The following RIC1 variants were observed in gnomAD, a reference collection of about 807,000 sequenced individuals.
The protein encoded by RIC1 is RIC1 partner of RAB6A GEF complex.
In RIC1, 88 loss-of-function variants were observed where a neutral mutation model predicts 169.0. That is an observed-to-expected ratio of 0.52 (90% CI 0.44 to 0.62). The LOEUF (loss-of-function observed/expected upper bound fraction) is 0.62, where lower values mean the gene tolerates loss of function less well. RIC1 is among the 20% of genes least tolerant of loss of function. The probability of loss-of-function intolerance (pLI) is 0.00; values close to 1 mark genes in which losing one functional copy is unlikely to be tolerated. For missense variants in RIC1, 1,877 were observed against 1,725.5 expected, an observed-to-expected ratio of 1.09 and a Z score of -1.56; for synonymous variants, 790 against 601.5, an observed-to-expected ratio of 1.31 and a Z score of -4.59.
At chr9:5,685,947 C>T (rs1265100782) in intron 2 of RIC1, among the ~76,000 whole-genome samples, 1 of 151,490 alleles carries the variant, frequency 6.6e-6, no homozygotes, top group Non-Finnish European at 1.5e-5. Flanking sequence ...ACAAACAAAC[C>T]CATCAAAAAG....
intron 2 of RIC1, among the ~76,000 whole-genome samples, chr9:5,688,561 A>G (rs976906887): frequency 1.3e-5 from 2 of 152,204 alleles, no homozygotes; most frequent in Non-Finnish European, 2.9e-5. Context: ...TTGCACATAA[A>G]GAATTAGAAA....
rs757819865 is a variant in RIC1, at chr9:5,772,938, A to G, written c.3841A>G (p.Ile1281Val). ...GGAGGCAGGGTGCCTAGACTGGTGCATCGTTATAGGCCTGATTCTTAGAGA... is the reference window on the plus strand; with the variant it reads ...GGAGGCAGGGTGCCTAGACTGGTGCGTCGTTATAGGCCTGATTCTTAGAGA... ...FMEAGCLDWCIVIGLILRESS... is the reference protein window; with the variant it reads ...FMEAGCLDWCVVIGLILRESS... The change falls in exon 25 of 26, where the codon ATC becomes GTC. Residue 1281 changes from isoleucine to valine, a missense_variant. Physicochemically the swap from Ile to Val is conservative, Grantham distance 29. This residue lies in a region of RIC1 where 681 missense variants were observed against 582.0 expected (regional missense o/e 1.17). Transcript: ENST00000414202. The G allele has an allele frequency of 1.2e-6, 2 of 1,613,800 alleles. No homozygotes were observed. The highest frequency in any genetic ancestry group is 2.2e-5 in the East Asian group (1 of 44,866).
intron 2 of RIC1, among the ~76,000 whole-genome samples, chr9:5,679,450 T>C (rs887624363): frequency 9.9e-5 from 15 of 152,262 alleles, no homozygotes; most frequent in African/African-American, 3.6e-4. Flanking sequence ...ATTTTCACGA[T>C]ATTGATTCTT....
intron 7 of RIC1, among the ~76,000 whole-genome samples, chr9:5,735,689 G>T (rs898383231): frequency 2.6e-5 from 4 of 152,200 alleles, no homozygotes; most frequent in Middle Eastern, 3.2e-3. Context: ...GTGATAGCTG[G>T]TGTCCTTAGA....
At chr9:5,761,898 TTCTGAAG>T (rs1162255092) in intron 17 of RIC1, among the ~76,000 whole-genome samples, 1 of 152,238 alleles carries the variant, frequency 6.6e-6, no homozygotes, top group African/African-American at 2.4e-5. Flanking sequence ...ATTTCCTCAT[TTCTGAAG>T]TCAACACCCA....
chr9:5,650,094 C>T (rs992303369), intron 1 of RIC1, among the ~76,000 whole-genome samples: 1 of 152,074 alleles, frequency 6.6e-6, no homozygotes, highest in Non-Finnish European at 1.5e-5. Flanking sequence ...GTGTGCCTGT[C>T]CTTCGGCCCC....
At chr9:5,720,351 A>G in intron 5 of RIC1, 27 bp downstream of exon 5, 1 of 1,592,356 alleles carries the variant, frequency 6.3e-7, no homozygotes, top group Non-Finnish European at 8.6e-7. Flanking sequence ...CATGAGGTTG[A>G]ACCAGTTGTT....
chr9:5,742,922 A>G lies in RIC1; in HGVS notation c.955A>G (p.Ser319Gly). The stretch of plus-strand genomic sequence containing the variant: ...ATTGATGAGATGGTCTCCTGACAAT[A>G]GTGTTGTAATAGTGACCTGGGAATA... ...VKLMRWSPDN[S>G]VVIVTWEYGG... Residue 319 changes from serine (S) to glycine (G), a missense_variant, in exon 9 of 26, where the codon AGT becomes GGT. Transcript: ENST00000414202. The G allele has an allele frequency of 6.2e-7, 1 of 1,613,170 alleles. No homozygotes were observed. Among genetic ancestry groups the G allele is most frequent in the Admixed American group, 1.7e-5 (1 of 59,954 alleles).
intron 2 of RIC1, among the ~76,000 whole-genome samples, chr9:5,663,026 T>G (rs1004539816): frequency 1.3e-5 from 2 of 152,232 alleles, no homozygotes; most frequent in African/African-American, 4.8e-5. Context: ...TCTGGTACAT[T>G]GTCTCTTTGT....
intron 3 of RIC1, among the ~76,000 whole-genome samples, chr9:5,705,081 G>C (rs1265936017): frequency 1.3e-5 from 2 of 151,744 alleles, no homozygotes; most frequent in Non-Finnish European, 2.9e-5. Flanking sequence ...AGTAGGTTTT[G>C]TGATCAGGAA....
chr9:5,712,376 A>G (rs1022074590), intron 3 of RIC1, among the ~76,000 whole-genome samples: 1 of 152,198 alleles, frequency 6.6e-6, no homozygotes, highest in African/African-American at 2.4e-5. Context: ...CTGCGCAGCA[A>G]AAGAAACTAC....
intron 3 of RIC1, among the ~76,000 whole-genome samples, chr9:5,711,138 C>G (rs1412329556): frequency 6.6e-6 from 1 of 151,980 alleles, no homozygotes; most frequent in East Asian, 1.9e-4. Context: ...CAGAACCCAT[C>G]GGATATATAA....
At chr9:5,777,165 A>G (rs1226900256), downstream of RIC1, among the ~76,000 whole-genome samples, 30 of 152,074 alleles carry the variant, frequency 2.0e-4, no homozygotes, top group Admixed American at 2.0e-3. Flanking sequence ...TTGAAGAAAA[A>G]TGTCTGTTTA....
chr9:5,759,903 A>G (rs536563472), intron 17 of RIC1, among the ~76,000 whole-genome samples: 21 of 152,300 alleles, frequency 1.4e-4, no homozygotes, highest in African/African-American at 5.1e-4. Flanking sequence ...AAGTTTTCAT[A>G]TTTAAAAAAG....
intron 14 of RIC1, 52 bp from the exon 15 acceptor site, chr9:5,754,788 GT>G: frequency 9.6e-7 from 1 of 1,044,506 alleles, no homozygotes; most frequent in Non-Finnish European, 1.4e-6. Flanking sequence ...ATATTACTTT[GT>G]TATAATTTCT....
At chr9:5,718,882 T>C (rs1823426604) in intron 4 of RIC1, 1 of 152,126 alleles carries the variant, frequency 6.6e-6, no homozygotes, top group African/African-American at 2.4e-5. Flanking sequence ...AACAGCAAAT[T>C]CTACATTAGC....
At position 5,746,042 on chromosome 9, in the gene RIC1, T is replaced by C. The variant is rs766522043; in HGVS notation, c.1207T>C (p.Phe403Leu). Residue 403 changes from phenylalanine to leucine, a missense_variant, in exon 11 of 26, where the codon TTT becomes CTT. Phe to Leu is a conservative substitution (Grantham distance 22, BLOSUM62 0). Coordinates refer to ENST00000414202, the MANE Select transcript of RIC1 (RefSeq NM_020829.4). ...SVVKQPSILLFQFIKSVLTVN... is the reference protein window; with the variant it reads ...SVVKQPSILLLQFIKSVLTVN... Reference sequence around the variant, plus strand: ...AGTTAAACAGCCCAGCATCCTGTTATTTCAGTTTATTAAGAGTGTACTCAC... The same window carrying C: ...AGTTAAACAGCCCAGCATCCTGTTACTTCAGTTTATTAAGAGTGTACTCAC... 6.2e-7 allele frequency: 1 copy of C among 1,613,716 alleles called. No individual in the cohort carries two copies. The highest frequency in any genetic ancestry group is 1.7e-5 in the Admixed American group (1 of 60,020).
At chr9:5,664,757 T>G (rs1025831315) in intron 2 of RIC1, among the ~76,000 whole-genome samples, 1 of 152,212 alleles carries the variant, frequency 6.6e-6, no homozygotes, top group Non-Finnish European at 1.5e-5. Flanking sequence ...CCAGTCAGTC[T>G]TAGGTTCAGT....
Position 5,702,043 on chromosome 9 carries a change from A to G in RIC1, c.333-11853A>G, listed in dbSNP as rs142690110. On this transcript the variant is annotated intron_variant, in intron 3 of 25. Coordinates refer to ENST00000414202, the MANE Select transcript of RIC1 (RefSeq NM_020829.4). ...TTAAGACATTTGTTGGTTTTGGGCT[A>G]TATACAAGGCAATGGTGTGAATTAG... 3.7e-3 allele frequency among the ~76,000 whole-genome samples: 560 copies of G among 152,308 alleles called. 2 individuals carry two copies. The highest frequency in any genetic ancestry group is 0.013 in the African/African-American group (538 of 41,568).
Sources: gnomAD v4.1 joint callset for allele counts (sites outside exome capture counted in the v4.1 genomes callset) on GRCh38, gnomAD v4.1.1 for gene constraint, gnomAD v4.1.1 regional missense constraint, MANE v1.5 for transcripts, NCBI Gene and HGNC (gene_info 2026-07-23, HGNC 2026-07-21) for gene names.